Variants in CEP112 observed in about 807,000 individuals in gnomAD.
The protein encoded by CEP112 is centrosomal protein 112.
A neutral mutation model predicts 153.0 loss-of-function variants in CEP112; 127 were observed. That is an observed-to-expected ratio of 0.83 (90% CI 0.72 to 0.96). The LOEUF is 0.96. CEP112 is among the 40% of genes least tolerant of loss of function. The pLI is 0.00. For synonymous variants in CEP112, 358 were observed against 374.4 expected (o/e 0.96, Z 0.51); for missense variants, 1,089 against 1,101.2 (o/e 0.99, Z 0.16).
At chr17:66,188,690 A>C (rs2073046714) in intron 1 of CEP112, among the ~76,000 whole-genome samples, 1 of 150,418 alleles carries the variant, frequency 6.6e-6, no homozygotes, top group Non-Finnish European at 1.5e-5. Context: ...CTTAGTAAGT[A>C]CCTAGCTTAT....
intron 24 of CEP112, among the ~76,000 whole-genome samples, chr17:65,662,463 T>C (rs1194494462): frequency 6.6e-6 from 1 of 152,238 alleles, no homozygotes; most frequent in Non-Finnish European, 1.5e-5. Context: ...CCAGATCTTT[T>C]TTTAAATCAC....
intron 2 of CEP112, among the ~76,000 whole-genome samples, chr17:66,177,328 G>A (rs1240421594): frequency 1.3e-5 from 2 of 152,080 alleles, no homozygotes; most frequent in Admixed American, 6.6e-5. Context: ...GCTAACTCCT[G>A]GTCTACAATT....
intron 21 of CEP112, among the ~76,000 whole-genome samples, chr17:65,782,864 T>C (rs2054076021): frequency 6.6e-6 from 1 of 152,090 alleles, no homozygotes; most frequent in African/African-American, 2.4e-5. Flanking sequence ...TGTTCAGTAC[T>C]ATGCTCAGTA....
intron 23 of CEP112, among the ~76,000 whole-genome samples, chr17:65,727,069 G>A (rs2050222794): frequency 6.6e-6 from 1 of 152,182 alleles, no homozygotes; most frequent in Non-Finnish European, 1.5e-5. Flanking sequence ...AGACCATACT[G>A]CCCTCCACAG....
intron 21 of CEP112, among the ~76,000 whole-genome samples, chr17:65,801,340 G>A (rs2055262678): frequency 6.6e-6 from 1 of 152,186 alleles, no homozygotes; most frequent in Non-Finnish European, 1.5e-5. Flanking sequence ...TTACAGGCAT[G>A]AGCCACTGCA....
chr17:65,920,362 A>AC (rs1230889770), intron 19 of CEP112, among the ~76,000 whole-genome samples: 4 of 42,786 alleles, frequency 9.3e-5, no homozygotes, highest in African/African-American at 2.6e-4. Flanking sequence ...AAACAAACAA[A>AC]ATATATATAT....
At chr17:66,033,026 A>G (rs2065559061) in intron 12 of CEP112, among the ~76,000 whole-genome samples, 1 of 148,796 alleles carries the variant, frequency 6.7e-6, no homozygotes, top group African/African-American at 2.5e-5. Context: ...GGCACGAAAA[A>G]GAAGCAAGAA....
intron 6 of CEP112, among the ~76,000 whole-genome samples, chr17:66,108,138 A>T (rs2068864163): frequency 6.6e-6 from 1 of 152,166 alleles, no homozygotes; most frequent in African/African-American, 2.4e-5. Context: ...TGTCATACAT[A>T]AAAATCAAAT....
chr17:66,093,442 A>C, intron 8 of CEP112, among the ~76,000 whole-genome samples: 1 of 152,054 alleles, frequency 6.6e-6, no homozygotes, highest in East Asian at 1.9e-4. Flanking sequence ...ATTTTTAAAG[A>C]CTCCACCAAA....
intron 17 of CEP112, among the ~76,000 whole-genome samples, chr17:65,983,164 G>A (rs763276011): frequency 6.6e-6 from 1 of 152,134 alleles, no homozygotes; most frequent in Non-Finnish European, 1.5e-5. Flanking sequence ...ACAACAACGT[G>A]AATGTACTAA....
chr17:65,980,400 A>C (rs956630489), intron 17 of CEP112, among the ~76,000 whole-genome samples: 3 of 152,220 alleles, frequency 2.0e-5, no homozygotes, highest in African/African-American at 4.8e-5. Context: ...GAAGGATAGA[A>C]ATGTTTGACA....
At chr17:65,759,733 T>G (rs1477281252) in intron 21 of CEP112, among the ~76,000 whole-genome samples, 1 of 152,138 alleles carries the variant, frequency 6.6e-6, no homozygotes, top group African/African-American at 2.4e-5. Context: ...GGGAAACAAA[T>G]GAGGTAAGCG....
intron 20 of CEP112, among the ~76,000 whole-genome samples, chr17:65,877,946 A>G (rs1361541197): frequency 6.6e-6 from 1 of 152,234 alleles, no homozygotes; most frequent in African/African-American, 2.4e-5. Flanking sequence ...ACACAGACAG[A>G]CAAATACTAT....
At chr17:65,939,431 A>G (rs1465694018) in intron 18 of CEP112, among the ~76,000 whole-genome samples, 1 of 152,218 alleles carries the variant, frequency 6.6e-6, no homozygotes, top group Non-Finnish European at 1.5e-5. Flanking sequence ...TAGCCAAAGC[A>G]ATCTTGAACA....
chr17:65,803,882 C>T (rs1028730126), intron 21 of CEP112, among the ~76,000 whole-genome samples: 6 of 152,132 alleles, frequency 3.9e-5, no homozygotes, highest in East Asian at 1.9e-4. Flanking sequence ...ATTTTTTACA[C>T]AGCAAAATTT....
Position 65,635,869 on chromosome 17 carries a change from A to C in CEP112, c.*102T>G, listed in dbSNP as rs1473280320. The C allele has an allele frequency of 8.2e-7, 1 of 1,218,062 alleles. No individual in the cohort carries two copies. The highest frequency in any genetic ancestry group is 1.2e-6 in the Non-Finnish European group (1 of 853,236). The allele number at this position is 1,218,062 out of a possible 1,614,324, so 75.5% of individuals were successfully genotyped here. A position where few individuals can be genotyped will look rare whatever the true frequency, so the allele number is the denominator to read the frequency against. ...TTAATTACATTTAAGGATTTAAAAA[A>C]TGCCACTGATCTCACAGTTTACAAT... On this transcript the variant is annotated 3_prime_UTR_variant, in exon 27 of 27. Coordinates refer to ENST00000535342, the MANE Select transcript of CEP112 (RefSeq NM_001199165.4).
At chr17:66,129,057 A>T (rs229857) in intron 6 of CEP112, among the ~76,000 whole-genome samples, 53,057 of 151,952 alleles carry the variant, frequency 0.35, 10,727 homozygotes, top group Non-Finnish European at 0.46. Flanking sequence ...TCCTCAAAGC[A>T]TTTAAACAGT....
chr17:65,706,194 G>A (rs1429192854), intron 23 of CEP112, among the ~76,000 whole-genome samples: 1 of 152,204 alleles, frequency 6.6e-6, no homozygotes, highest in Non-Finnish European at 1.5e-5. Flanking sequence ...CAAAGAGACT[G>A]GGAACGTCTT....
chr17:65,827,117 G>A (rs1483042929), intron 21 of CEP112, among the ~76,000 whole-genome samples: 1 of 152,176 alleles, frequency 6.6e-6, no homozygotes, highest in Non-Finnish European at 1.5e-5. Flanking sequence ...TAGAGTCTTG[G>A]ACTTAAACCA....
Sources: allele counts gnomAD v4.1 joint callset (sites outside exome capture counted in the v4.1 genomes callset), GRCh38; gene constraint gnomAD v4.1.1; transcripts MANE v1.5; gene names NCBI Gene and HGNC (gene_info 2026-07-23, HGNC 2026-07-21).